TBPL2: variants seen among roughly 807,000 people sequenced by gnomAD.
The protein encoded by TBPL2 is TATA box-binding protein-like 2.
A neutral mutation model predicts 38.2 loss-of-function variants in TBPL2; 40 were observed. The ratio of observed to expected loss-of-function variants is 1.05; its 90% confidence interval spans 0.81 to 1.36. TBPL2 has a LOEUF of 1.36. Among genes scored for constraint, TBPL2 ranks in the 40% most tolerant of loss-of-function variants. The pLI is 0.00. For missense variants in TBPL2, 461 were observed against 456.7 expected, an observed-to-expected ratio of 1.01 and a Z score of -0.09; for synonymous variants, 169 against 171.7, an observed-to-expected ratio of 0.98 and a Z score of 0.12.
intron 6 of TBPL2, among the ~76,000 whole-genome samples, chr14:55,417,453 TAA>T (rs539769285): frequency 0.25 from 22,712 of 90,586 alleles, 2,670 homozygotes; most frequent in East Asian, 0.31. Context: ...ACCCTTGCCT[TAA>T]AAAAAAAAAA....
At chr14:55,429,520 T>A (rs1284460891) in intron 4 of TBPL2, among the ~76,000 whole-genome samples, 2 of 152,088 alleles carry the variant, frequency 1.3e-5, no homozygotes, top group African/African-American at 4.8e-5. Flanking sequence ...TCCCAGCACT[T>A]TGGGAGGCTG....
intron 1 of TBPL2, 26 bp from the exon 2 acceptor site, chr14:55,437,044 C>CA (rs1403734846): frequency 6.3e-7 from 1 of 1,591,964 alleles, no homozygotes; most frequent in South Asian, 1.1e-5. Flanking sequence ...AACAGACAGA[C>CA]AAAAACACAA....
intron 4 of TBPL2, among the ~76,000 whole-genome samples, chr14:55,429,766 C>CAAAAA (rs71131266): frequency 4.2e-4 from 22 of 52,332 alleles, no homozygotes; most frequent in South Asian, 7.9e-4. Flanking sequence ...AACTCCGTCT[C>CAAAAA]AAAAAAAAAA....
At chr14:55,436,958 T>C (rs2140180617) in exon 2 of TBPL2, 2 of 1,614,210 alleles carry the variant, frequency 1.2e-6, no homozygotes, top group Non-Finnish European at 1.7e-6. Context: ...GCATTCAGTA[T>C]GTACATATCA....
At chr14:55,434,442 A>G (rs538263592) in intron 3 of TBPL2, among the ~76,000 whole-genome samples, 27 of 152,274 alleles carry the variant, frequency 1.8e-4, no homozygotes, top group Middle Eastern at 3.4e-3. Flanking sequence ...TCCCCGGTTA[A>G]GCTAGGAAGG....
intron 6 of TBPL2, among the ~76,000 whole-genome samples, chr14:55,421,072 A>AAG (rs1555343801): frequency 9.9e-5 from 15 of 151,588 alleles, no homozygotes; most frequent in Admixed American, 5.3e-4. Context: ...AAAAAAAAAA[A>AAG]AAAAAAGAAA....
At chr14:55,439,085 C>T (rs1330195262) in intron 1 of TBPL2, among the ~76,000 whole-genome samples, 1 of 151,658 alleles carries the variant, frequency 6.6e-6, no homozygotes, top group Non-Finnish European at 1.5e-5. Context: ...CTACAGGCTC[C>T]TGCCACCACG....
chr14:55,415,512 C>T (rs1218754553), intron 6 of TBPL2, among the ~76,000 whole-genome samples: 1 of 152,182 alleles, frequency 6.6e-6, no homozygotes, highest in African/African-American at 2.4e-5. Context: ...CATTGCAGCA[C>T]TATTCACACT....
At position 55,428,910 on chromosome 14, in the gene TBPL2, C is replaced by G. The variant is rs1383965998; in HGVS notation, c.853G>C (p.Ala285Pro). 2.5e-6 allele frequency: 4 copies of G among 1,614,172 alleles called. No individual in the cohort carries two copies. The highest frequency in any genetic ancestry group is 3.4e-6 in the Non-Finnish European group (4 of 1,180,022). Residue 285 changes from alanine to proline, a missense_variant, in exon 5 of 7, where the codon GCC (alanine) becomes CCC (proline). By Grantham distance (27) the Ala-to-Pro change is conservative. Transcript: ENST00000247219. Reference sequence around the variant, plus strand: ...TGAATTTTAAAATCGAGGAATCTGGCAGGGAACCCAAGCTTCTGCACCACA... The same window carrying G: ...TGAATTTTAAAATCGAGGAATCTGGGAGGGAACCCAAGCTTCTGCACCACA...
At chr14:55,430,632 G>A (rs1195383342) in intron 4 of TBPL2, among the ~76,000 whole-genome samples, 1 of 152,042 alleles carries the variant, frequency 6.6e-6, no homozygotes, top group Non-Finnish European at 1.5e-5. Context: ...CAGGACTCAA[G>A]TGACCCTCCC....
At position 55,436,617 on chromosome 14, in the gene TBPL2, A is replaced by C; in HGVS notation, c.552T>G (p.Thr184=). ...AAATAGGGGTCATTGGTGTCATGGGAGTTATGGATGCCAGAGACAAGGAGT... is the reference window on the plus strand; with the variant it reads ...AAATAGGGGTCATTGGTGTCATGGGCGTTATGGATGCCAGAGACAAGGAGT... Residue 184 remains threonine (T), a synonymous_variant, in exon 2 of 7, where the codon ACT becomes ACG. Transcript: ENST00000247219. The C allele has an allele frequency of 1.9e-6, 3 of 1,614,196 alleles. No individual in the cohort carries two copies. The African/African-American group carries it at 4.0e-5, about 22-fold the overall frequency.
At chr14:55,424,392 T>C in intron 5 of TBPL2, 139 bp from the exon 6 acceptor site, 1 of 566,780 alleles carries the variant, frequency 1.8e-6, no homozygotes, top group Non-Finnish European at 3.2e-6. Context: ...TTTTTAACTA[T>C]CTTGATGAAG....
rs375486470 is a variant in TBPL2 at position 55,435,202 on chromosome 14, G to A, written c.696+645C>T. 1.5e-4 allele frequency among the ~76,000 whole-genome samples: 23 copies of A among 152,110 alleles called. 1 individual carries two copies. The highest frequency in any genetic ancestry group is 5.3e-4 in the African/African-American group (22 of 41,492). On this transcript the variant is annotated intron_variant, in intron 3 of 6. Coordinates refer to ENST00000247219, the Ensembl canonical transcript of TBPL2. ...AGATACATAAGTGTCAGGTAGCTGAGACAACATTTGGCAAAAATTATTTCC... is the reference window on the plus strand; with the variant it reads ...AGATACATAAGTGTCAGGTAGCTGAAACAACATTTGGCAAAAATTATTTCC...
chr14:55,427,895 T>C (rs946565140), intron 5 of TBPL2, among the ~76,000 whole-genome samples: 15 of 150,468 alleles, frequency 1.0e-4, no homozygotes, highest in African/African-American at 3.7e-4. Flanking sequence ...TTTTTTTTTT[T>C]TTTGAGACGG....
At chr14:55,432,773 A>T (rs969703733) in intron 4 of TBPL2, among the ~76,000 whole-genome samples, 3 of 152,224 alleles carry the variant, frequency 2.0e-5, no homozygotes, top group African/African-American at 7.2e-5. Flanking sequence ...TTTGCTTCTT[A>T]TCTTTTAACA....
At chr14:55,420,072 GT>G (rs1262533097) in intron 6 of TBPL2, among the ~76,000 whole-genome samples, 2 of 151,724 alleles carry the variant, frequency 1.3e-5, no homozygotes, top group Non-Finnish European at 2.9e-5. Context: ...GGTTTTTTTT[GT>G]TTGTTTGTTT....
At chr14:55,414,763 T>C (rs1341562749) in intron 6 of TBPL2, among the ~76,000 whole-genome samples, 1 of 152,222 alleles carries the variant, frequency 6.6e-6, no homozygotes, top group African/African-American at 2.4e-5. Flanking sequence ...AGTAATTTCA[T>C]CAGCACCTGC....
At chr14:55,415,260 G>A (rs1885651171) in intron 6 of TBPL2, among the ~76,000 whole-genome samples, 1 of 152,158 alleles carries the variant, frequency 6.6e-6, no homozygotes, top group East Asian at 1.9e-4. Flanking sequence ...AAGGAAGAAA[G>A]GAGGATAATG....
chr14:55,428,119 C>CT (rs567342581), intron 5 of TBPL2, among the ~76,000 whole-genome samples: 614 of 43,310 alleles, frequency 0.014, 196 homozygotes, highest in African/African-American at 0.036. Context: ...CATGCCTTAT[C>CT]TTTTTTTTTT....
Sources: allele counts gnomAD v4.1 joint callset (sites outside exome capture counted in the v4.1 genomes callset), GRCh38; gene constraint gnomAD v4.1.1; transcripts MANE v1.5; gene names NCBI Gene and HGNC (gene_info 2026-07-23, HGNC 2026-07-21).